The following TAOK2 variants were observed in gnomAD, a reference collection of about 807,000 sequenced individuals.
The protein encoded by TAOK2 is TAO kinase 2, also known as serine/threonine-protein kinase TAO2.
A neutral mutation model predicts 122.5 loss-of-function variants in TAOK2; 42 were observed. The observed-to-expected ratio is 0.34, with a 90% CI of 0.27 to 0.44. The LOEUF is 0.44. Among genes scored for constraint, TAOK2 ranks in the 20% least tolerant of loss-of-function variants. TAOK2 has a pLI of 1.00. For missense variants in TAOK2, 1,264 were observed against 1,644.9 expected (o/e 0.77, Z 4.01); for synonymous variants, 704 against 677.6 (o/e 1.04, Z -0.61).
downstream of TAOK2, chr16:29,988,486 GACCTCTTC>G: frequency 8.3e-7 from 1 of 1,209,728 alleles, no homozygotes; most frequent in Non-Finnish European, 1.0e-6. Flanking sequence ...CCGGCTCCAT[GACCTCTTC>G]ACCCCATCTC....
chr16:29,985,999 T>C lies in TAOK2; in HGVS notation c.1992+138T>C. Reference sequence around the variant, plus strand: ...TTCAGCTTTGCTTCAGTGCCCCTTTTACTTCTCATCCCCAACAGACCCTGC... The same window carrying C: ...TTCAGCTTTGCTTCAGTGCCCCTTTCACTTCTCATCCCCAACAGACCCTGC... On this transcript the variant is annotated intron_variant, in intron 15 of 15. Coordinates refer to ENST00000308893, the MANE Select transcript of TAOK2 (RefSeq NM_016151.4). This position sits in a 1 kb window ranked among gnomAD's most constrained non-coding sequence, Gnocchi z 6.9. 1 of 1,165,104 alleles carries C rather than the reference T, an allele frequency of 8.6e-7. No homozygotes were observed. The highest frequency in any genetic ancestry group is 1.2e-6 in the Non-Finnish European group (1 of 830,578). The allele number at this position is 1,165,104 out of a possible 1,614,324, so 72.2% of individuals were successfully genotyped here.
At position 29,979,380 on chromosome 16, in the gene TAOK2, C is replaced by T. The variant is rs367609831; in HGVS notation, c.564-37C>T. The T allele has an allele frequency of 7.6e-5, 122 of 1,604,416 alleles. No individual in the cohort carries two copies. The highest frequency in any genetic ancestry group is 3.3e-5 in the South Asian group (3 of 90,240). On this transcript the variant is annotated intron_variant, in intron 7 of 15. Coordinates refer to ENST00000308893, the MANE Select transcript of TAOK2 (RefSeq NM_016151.4). This position sits in a 1 kb window ranked among gnomAD's most constrained non-coding sequence, Gnocchi z 4.1. ...GGGAGTAGGAGTGACAGGGTCTCGG[C>T]GGGTGATTTGCCTCTCTCTCCTGAC...
At chr16:29,989,850 C>A, downstream of TAOK2, 1 of 1,589,972 alleles carries the variant, frequency 6.3e-7, no homozygotes, top group South Asian at 1.1e-5. Flanking sequence ...AGGCCAGGCT[C>A]TGTACTTTGC....
intron 4 of TAOK2, 139 bp from the exon 5 acceptor site, chr16:29,978,660 C>A: frequency 1.1e-6 from 1 of 929,082 alleles, no homozygotes; most frequent in Non-Finnish European, 1.7e-6. Context: ...ACTCTCCCAC[C>A]ACCCCCTCAT....
At chr16:29,978,722 T>C in intron 4 of TAOK2, 77 bp from the exon 5 acceptor site, 1 of 1,554,848 alleles carries the variant, frequency 6.4e-7, no homozygotes, top group Non-Finnish European at 8.9e-7. Flanking sequence ...ATAGCTTGAG[T>C]ACAGGACAGT....
At chr16:29,982,694 A>AG in intron 10 of TAOK2, 40 bp from the exon 11 acceptor site, 1 of 1,591,110 alleles carries the variant, frequency 6.3e-7, no homozygotes, top group South Asian at 1.1e-5. Flanking sequence ...TGTGGGGGGA[A>AG]GGGGAGTTGG....
downstream of TAOK2, chr16:29,989,126 T>C (rs2069904373): frequency 3.0e-6 from 3 of 985,368 alleles, no homozygotes; most frequent in Non-Finnish European, 3.6e-6. Flanking sequence ...ATGGGTGTTT[T>C]GTGTGACTGG....
At chr16:29,982,654 A>G in intron 10 of TAOK2, 80 bp from the exon 11 acceptor site, 1 of 1,543,764 alleles carries the variant, frequency 6.5e-7, no homozygotes, top group East Asian at 2.3e-5. Context: ...AGAGTGCCTC[A>G]GGCCTGAGGG....
At chr16:29,984,025 G>A (rs1330030027) in intron 13 of TAOK2, among the ~76,000 whole-genome samples, 2 of 152,184 alleles carry the variant, frequency 1.3e-5, no homozygotes, top group East Asian at 3.9e-4. Context: ...GTGGAGCCCT[G>A]TGCTGGGGGT....
Position 29,986,371 on chromosome 16 carries a change from G to A in TAOK2, c.2099G>A (p.Arg700His), listed in dbSNP as rs749437354. ...LELRQLQAVQ[R>H]TRAELTRLQH... ...CTGCGGCAGCTCCAGGCCGTGCAGC[G>A]CACGCGGGCTGAGCTCACCCGCCTG... Residue 700 changes from arginine (R) to histidine (H), a missense_variant, in exon 16 of 16, where the codon CGC becomes CAC. By Grantham distance (29) the Arg-to-His change is conservative. Transcript: ENST00000308893. This position sits in a 1 kb window ranked among gnomAD's most constrained non-coding sequence, Gnocchi z 4.2. 13 of 1,606,202 alleles carry A rather than the reference G, an allele frequency of 8.1e-6. No individual in the cohort carries two copies. The highest frequency in any genetic ancestry group is 1.7e-4 in the Middle Eastern group (1 of 6,032).
At chr16:29,991,433 C>G, downstream of TAOK2, 2 of 1,518,688 alleles carry the variant, frequency 1.3e-6, no homozygotes, top group Non-Finnish European at 1.8e-6. This position sits in a 1 kb window ranked among gnomAD's most constrained non-coding sequence, Gnocchi z 5.6. Context: ...GCCCCCAGCC[C>G]CTGCGGCGGG....
chr16:29,981,821 C>T, intron 9 of TAOK2, 38 bp from the exon 10 acceptor site: 1 of 1,599,084 alleles, frequency 6.3e-7, no homozygotes, highest in East Asian at 2.2e-5. Flanking sequence ...CTGACTCATG[C>T]CTTCCCCACC....
At position 29,985,247 on chromosome 16, in the gene TAOK2, C is replaced by G; in HGVS notation, c.1457C>G (p.Ser486Cys). The change falls in exon 14 of 16, where the codon TCT becomes TGT. Residue 486 changes from serine to cysteine, a missense_variant. Around this residue, in one of 4 missense-constraint regions of TAOK2, gnomAD observed 64 missense variants for 115.7 expected, o/e 0.55. Transcript: ENST00000308893. This position sits in a 1 kb window ranked among gnomAD's most constrained non-coding sequence, Gnocchi z 6.9. ...CAGATCCAGGAGCATGAGCAGGACTCTGCGCTGCGGGAGCAGCTGAGCGGC... is the reference window on the plus strand; with the variant it reads ...CAGATCCAGGAGCATGAGCAGGACTGTGCGCTGCGGGAGCAGCTGAGCGGC... ...SRQIQEHEQD[S>C]ALREQLSGYK... The G allele has an allele frequency of 3.2e-6, 5 of 1,544,598 alleles. No homozygotes were observed. Among genetic ancestry groups the G allele is most frequent in the Non-Finnish European group, 4.4e-6 (5 of 1,143,830 alleles).
rs1202600536 is a variant in TAOK2, at chr16:29,988,025, T to C, written c.*45T>C. On this transcript the variant is annotated 3_prime_UTR_variant, in exon 16 of 16. Transcript: ENST00000308893. Reference sequence around the variant, plus strand: ...CCCAAATCTAGAGCATTGAGCACTTTATCTCCCACGACTCAGTGAAGTTTC... The same window carrying C: ...CCCAAATCTAGAGCATTGAGCACTTCATCTCCCACGACTCAGTGAAGTTTC... The C allele has an allele frequency of 6.7e-7, 1 of 1,494,490 alleles. No homozygotes were observed. Among genetic ancestry groups the C allele is most frequent in the Non-Finnish European group, 8.8e-7 (1 of 1,130,938 alleles). The allele number at this position is 1,494,490 out of a possible 1,614,324, so 92.6% of individuals were successfully genotyped here.
chr16:29,975,894 G>A (rs1311036853), intron 1 of TAOK2, among the ~76,000 whole-genome samples: 1 of 152,204 alleles, frequency 6.6e-6, no homozygotes, highest in African/African-American at 2.4e-5. Flanking sequence ...AGAAGACCAA[G>A]AACTGGAAGG....
rs559365140 is a variant in TAOK2, at chr16:29,981,734, C to G, written c.729C>G (p.Pro243=). Residue 243 remains proline, a synonymous_variant, in exon 9 of 16, where the codon CCC becomes CCG. Coordinates refer to ENST00000308893, the MANE Select transcript of TAOK2 (RefSeq NM_016151.4). ...ALYHIAQNES[P]VLQSGHWSEY... is the part of the protein sequence containing the mutation. ...ACCACATTGCACAGAACGAATCCCCCGTGCTCCAGTCAGGACACTGGTGAG... is the reference window on the plus strand; with the variant it reads ...ACCACATTGCACAGAACGAATCCCCGGTGCTCCAGTCAGGACACTGGTGAG... The G allele has an allele frequency of 6.2e-7, 1 of 1,614,174 alleles. No individual in the cohort carries two copies. The highest frequency in any genetic ancestry group is 1.1e-5 in the South Asian group (1 of 91,086).
At chr16:29,983,804 C>T (rs138188641) in intron 13 of TAOK2, 140 bp downstream of exon 13, 3 of 1,323,250 alleles carry the variant, frequency 2.3e-6, no homozygotes, top group Non-Finnish European at 3.1e-6. Context: ...CTGCCTGCTC[C>T]CCTTAACCCT....
chr16:29,978,031 G>A, intron 2 of TAOK2, 58 bp from the exon 3 acceptor site: 6 of 1,612,958 alleles, frequency 3.7e-6, no homozygotes, highest in Non-Finnish European at 5.1e-6. Flanking sequence ...GGGCCAGCAA[G>A]TCTTCCCATG....
chr16:29,991,480 C>T (rs1373679233), downstream of TAOK2: 5 of 1,482,854 alleles, frequency 3.4e-6, no homozygotes, highest in African/African-American at 2.8e-5. The surrounding 1 kb of genome is among the most constrained non-coding windows in gnomAD (Gnocchi z 5.6). Flanking sequence ...AATGTGGGCC[C>T]CCCTGCTGCC....
Sources: gnomAD v4.1 joint callset for allele counts (sites outside exome capture counted in the v4.1 genomes callset) on GRCh38, gnomAD v4.1.1 for gene constraint, gnomAD v4.1.1 regional missense constraint, Gnocchi (gnomAD v3.1) non-coding constraint, MANE v1.5 for transcripts, NCBI Gene and HGNC (gene_info 2026-07-23, HGNC 2026-07-21) for gene names.